The following TRIM44 variants were observed in gnomAD, a reference collection of about 807,000 sequenced individuals.
The protein encoded by TRIM44 is tripartite motif containing 44.
Under a neutral mutation model 37.4 loss-of-function variants are expected in TRIM44, and 13 were observed. That is an observed-to-expected ratio of 0.35 (90% CI 0.23 to 0.55). TRIM44 has a LOEUF of 0.55. Ranked by LOEUF, TRIM44 falls within the 20% of genes least tolerant of loss-of-function variation. TRIM44 has a pLI of 0.89. For missense variants in TRIM44, 426 were observed against 437.2 expected (o/e 0.97, Z 0.23); for synonymous variants, 175 against 157.2 (o/e 1.11, Z -0.85).
intron 4 of TRIM44, among the ~76,000 whole-genome samples, chr11:35,750,317 C>T (rs78477301): frequency 5.2e-3 from 793 of 152,306 alleles, no homozygotes; most frequent in Non-Finnish European, 8.7e-3. Flanking sequence ...CTGCTCAACT[C>T]ACATTAAAGG....
intron 4 of TRIM44, among the ~76,000 whole-genome samples, chr11:35,783,363 GC>G (rs1853089707): frequency 6.6e-6 from 1 of 152,160 alleles, no homozygotes; most frequent in Admixed American, 6.5e-5. Flanking sequence ...GTTGCCCAGA[GC>G]CCTTGAAGCC....
intron 2 of TRIM44, chr11:35,724,199 T>C (rs545283683): frequency 6.6e-6 from 1 of 152,156 alleles, no homozygotes; most frequent in African/African-American, 2.4e-5. Context: ...CTTCTTTCGG[T>C]TTCTAAGGGG....
intron 4 of TRIM44, among the ~76,000 whole-genome samples, chr11:35,768,517 T>A (rs1485451134): frequency 3.9e-5 from 6 of 152,332 alleles, no homozygotes; most frequent in Admixed American, 6.5e-5. Context: ...TAATTTCTAA[T>A]CATGGCCCTT....
chr11:35,729,165 C>T (rs1590548332), intron 3 of TRIM44, among the ~76,000 whole-genome samples: 1 of 151,534 alleles, frequency 6.6e-6, no homozygotes, highest in East Asian at 1.9e-4. Context: ...CACTAATACA[C>T]ACAGACAAAA....
Position 35,813,695 on chromosome 11 carries a change from C to T in TRIM44, c.*7310C>T, listed in dbSNP as rs1853551520. 1 of 151,816 alleles carries T rather than the reference C, an allele frequency of 6.6e-6. No individual in the cohort carries two copies. Among genetic ancestry groups the T allele is most frequent in the Admixed American group, 6.6e-5 (1 of 15,250 alleles). The allele number at this position is 151,816 out of a possible 1,614,324, so 9.4% of individuals were successfully genotyped here. ...TTCTATTTAAAATGATGACCCTGTG[C>T]ACCATACATAAAAAAACTATGCTTA... is the stretch of plus-strand genomic sequence containing the variant. On this transcript the variant is annotated 3_prime_UTR_variant, in exon 5 of 5. Coordinates refer to ENST00000299413, the MANE Select transcript of TRIM44 (RefSeq NM_017583.6).
intron 1 of TRIM44, among the ~76,000 whole-genome samples, chr11:35,682,142 G>T (rs992969896): frequency 6.6e-6 from 1 of 151,480 alleles, no homozygotes; most frequent in South Asian, 2.1e-4. Flanking sequence ...TGCCTGTCCC[G>T]TTCCGTACCA....
At chr11:35,664,624 C>A (rs959356547) in intron 1 of TRIM44, among the ~76,000 whole-genome samples, 6 of 152,192 alleles carry the variant, frequency 3.9e-5, no homozygotes, top group African/African-American at 1.4e-4. Flanking sequence ...TAGGGAATAG[C>A]TGGCATTGGG....
intron 4 of TRIM44, among the ~76,000 whole-genome samples, chr11:35,790,831 G>A (rs953055498): frequency 2.6e-5 from 4 of 152,152 alleles, no homozygotes; most frequent in South Asian, 4.2e-4. Flanking sequence ...CGTTTCCTAG[G>A]GAAACTCATA....
intron 1 of TRIM44, among the ~76,000 whole-genome samples, chr11:35,682,673 T>C (rs1851532620): frequency 6.6e-6 from 1 of 152,178 alleles, no homozygotes; most frequent in Non-Finnish European, 1.5e-5. Flanking sequence ...GGAGGCTCTC[T>C]TAAGTTGCCT....
chr11:35,667,435 G>A (rs1851344618), intron 1 of TRIM44, among the ~76,000 whole-genome samples: 1 of 152,192 alleles, frequency 6.6e-6, no homozygotes, highest in African/African-American at 2.4e-5. Context: ...AGTGGTGGGA[G>A]CATAGCTCAC....
rs1295091672 is a variant in TRIM44, at chr11:35,813,520, CAAG to C, written c.*7139_*7141del. Reference sequence around the variant, plus strand: ...GAAAGAAACAGACTTTTAGAGGAAACAAGAAGGAAAAAGGAGGACAGCAATAGA... The same window carrying C: ...GAAAGAAACAGACTTTTAGAGGAAACAAGGAAAAAGGAGGACAGCAATAGA... On this transcript the variant is annotated 3_prime_UTR_variant, in exon 5 of 5. Transcript: ENST00000299413. 6.6e-6 allele frequency: 1 copy of C among 151,806 alleles called. No individual in the cohort carries two copies. Among genetic ancestry groups the C allele is most frequent in the African/African-American group, 2.4e-5 (1 of 41,312 alleles). 9.4% of individuals were successfully genotyped at this position (151,806 alleles called of 1,614,324 possible).
Position 35,663,688 on chromosome 11 carries a change from G to T in TRIM44, c.577G>T (p.Asp193Tyr). 1 of 1,614,168 alleles carries T rather than the reference G, an allele frequency of 6.2e-7. No homozygotes were observed. The highest frequency in any genetic ancestry group is 8.5e-7 in the Non-Finnish European group (1 of 1,180,036). The change falls in exon 1 of 5, where the codon GAT becomes TAT. Residue 193 changes from aspartate (D) to tyrosine (Y), a missense_variant. Asp to Tyr is a radical substitution (Grantham distance 160). Coordinates refer to ENST00000299413, the MANE Select transcript of TRIM44 (RefSeq NM_017583.6). The stretch of plus-strand genomic sequence containing the variant: ...TGATTTGAGTACCTATTGCCAGGAA[G>T]ATAGGCAGCTCATCTGTGTCCTGTG... ...GLDLSTYCQE[D>Y]RQLICVLCPV...
rs1411773091 is a variant in TRIM44, at chr11:35,663,299, G to A, written c.188G>A (p.Gly63Asp). ...CACCATCTGGCCGAATACGTCCACG[G>A]CTCCCAGGCCTGGACCCCGCCAGCT... is the stretch of plus-strand genomic sequence containing the variant. The part of the protein sequence containing the change: ...LSHHLAEYVH[G>D]SQAWTPPADG... The change falls in exon 1 of 5, where the codon GGC becomes GAC. Residue 63 changes from glycine (G) to aspartate (D), a missense_variant. By Grantham distance (94) the Gly-to-Asp change is moderately conservative. Around this residue, in one of 2 missense-constraint regions of TRIM44, gnomAD observed 331 missense variants for 303.0 expected, o/e 1.09. Coordinates refer to ENST00000299413, the MANE Select transcript of TRIM44 (RefSeq NM_017583.6). 1.2e-6 allele frequency: 2 copies of A among 1,614,108 alleles called. No individual in the cohort carries two copies. Among genetic ancestry groups the A allele is most frequent in the Non-Finnish European group, 1.7e-6 (2 of 1,179,994 alleles).
At chr11:35,766,645 T>A (rs1359799063) in intron 4 of TRIM44, among the ~76,000 whole-genome samples, 1 of 149,592 alleles carries the variant, frequency 6.7e-6, no homozygotes, top group Admixed American at 6.6e-5. Flanking sequence ...TTCTTACCCC[T>A]GTTTCTCACT....
chr11:35,700,413 T>C (rs1851771100), intron 2 of TRIM44, among the ~76,000 whole-genome samples: 1 of 152,214 alleles, frequency 6.6e-6, no homozygotes, highest in Admixed American at 6.5e-5. Context: ...AAGGCAAAAA[T>C]TTACATTCCC....
At chr11:35,730,810 T>C (rs1040434432) in intron 3 of TRIM44, among the ~76,000 whole-genome samples, 3 of 151,944 alleles carry the variant, frequency 2.0e-5, no homozygotes, top group Admixed American at 1.3e-4. Flanking sequence ...CTTATGTTAG[T>C]ATATAAAAAT....
chr11:35,805,331 G>A (rs1309547148), intron 4 of TRIM44, among the ~76,000 whole-genome samples: 2 of 152,196 alleles, frequency 1.3e-5, no homozygotes, highest in African/African-American at 4.8e-5. Flanking sequence ...GGAGAAACTA[G>A]GCAAGTTTGC....
At chr11:35,777,278 C>G (rs571831729) in intron 4 of TRIM44, among the ~76,000 whole-genome samples, 1 of 152,068 alleles carries the variant, frequency 6.6e-6, no homozygotes, top group East Asian at 1.9e-4. Context: ...GGATTGCAAC[C>G]CCTGCTTTTT....
intron 4 of TRIM44, among the ~76,000 whole-genome samples, chr11:35,745,008 G>T (rs1369176282): frequency 6.6e-6 from 1 of 152,086 alleles, no homozygotes; most frequent in African/African-American, 2.4e-5. Context: ...CTTTGCTATT[G>T]TGAATATTGC....
Sources: allele counts gnomAD v4.1 joint callset (sites outside exome capture counted in the v4.1 genomes callset), GRCh38; gene constraint gnomAD v4.1.1; regional missense constraint gnomAD v4.1.1; transcripts MANE v1.5; gene names NCBI Gene and HGNC (gene_info 2026-07-23, HGNC 2026-07-21).